DERA: variants seen among roughly 807,000 people sequenced by gnomAD.
DERA encodes the protein deoxyribose-phosphate aldolase.
In DERA, 15 loss-of-function variants were observed where a neutral mutation model predicts 41.1. That is an observed-to-expected ratio of 0.37 (90% CI 0.24 to 0.56). The LOEUF is 0.56. DERA is among the 20% of genes least tolerant of loss of function. The pLI is 0.81. For synonymous variants in DERA, 139 were observed against 137.4 expected (o/e 1.01, Z -0.08); for missense variants, 396 against 403.4 (o/e 0.98, Z 0.16).
intron 4 of DERA, among the ~76,000 whole-genome samples, chr12:15,960,225 C>CATATACATACTATATATGTATATGTAT (rs1948574388): frequency 2.7e-5 from 4 of 149,920 alleles, no homozygotes; most frequent in South Asian, 2.1e-4. Context: ...CACACACACA[C>CATATACATACTATATATGTATATGTAT]ATATACATAC....
At chr12:15,919,980 G>GTA (rs147982451) in intron 1 of DERA, among the ~76,000 whole-genome samples, 2,430 of 151,338 alleles carry the variant, frequency 0.016, 27 homozygotes, top group Middle Eastern at 0.038. Flanking sequence ...ATGTGTGTGT[G>GTA]TGTGTGTGTG....
intron 5 of DERA, among the ~76,000 whole-genome samples, chr12:15,978,142 AT>A (rs1399184298): frequency 1.3e-5 from 2 of 152,132 alleles, no homozygotes; most frequent in Admixed American, 1.3e-4. Flanking sequence ...ACTGGGTTAC[AT>A]TTCAGCCATC....
chr12:16,002,460 T>C (rs1466099564), intron 6 of DERA, among the ~76,000 whole-genome samples: 2 of 152,108 alleles, frequency 1.3e-5, no homozygotes, highest in Non-Finnish European at 2.9e-5. Context: ...TTTTCTCTCC[T>C]TTCTTTTTTT....
chr12:15,965,161 A>G lies in DERA; in HGVS notation c.508+2214A>G, dbSNP rs1948613798. 6.6e-6 allele frequency among the ~76,000 whole-genome samples: 1 copy of G among 152,262 alleles called. No individual in the cohort carries two copies. Among genetic ancestry groups the G allele is most frequent in the Admixed American group, 6.5e-5 (1 of 15,284 alleles). ...TTTAATATTAGCTGTTTATTAAAAT[A>G]TGAGCATAAAATAATTTCTTGGAAT... On this transcript the variant is annotated intron_variant, in intron 5 of 8. Transcript: ENST00000428559. This position sits in a 1 kb window ranked among gnomAD's most constrained non-coding sequence, Gnocchi z 4.1.
chr12:16,024,619 G>T (rs1346314304), intron 6 of DERA, among the ~76,000 whole-genome samples: 1 of 152,154 alleles, frequency 6.6e-6, no homozygotes, highest in Non-Finnish European at 1.5e-5. Context: ...TGCCAGCAAA[G>T]CTTCCCAAGG....
intron 1 of DERA, among the ~76,000 whole-genome samples, chr12:15,949,146 A>G (rs1050172841): frequency 2.6e-5 from 4 of 152,216 alleles, no homozygotes; most frequent in African/African-American, 9.6e-5. Context: ...CTCAGGGGTC[A>G]GAGACCCACT....
chr12:15,945,467 TA>T (rs1948440180), intron 1 of DERA, among the ~76,000 whole-genome samples: 1 of 152,234 alleles, frequency 6.6e-6, no homozygotes, highest in Non-Finnish European at 1.5e-5. Flanking sequence ...GTTGGATTCC[TA>T]GGTATTTTAT....
In DERA at chr12:16,001,806, C is replaced by T. The variant is rs1948876474; in HGVS notation, c.637+19370C>T. ...GCTTCCCTGAGTCAGAAGTGGCAGG[C>T]ACACTAGACGAAGCAGCATTTTGCT... On this transcript the variant is annotated intron_variant, in intron 6 of 8. Transcript: ENST00000428559. The surrounding 1 kb of genome is among the most constrained non-coding windows in gnomAD (Gnocchi z 4.1). Among the ~76,000 whole-genome samples, 1 of 152,168 alleles carries T rather than the reference C, an allele frequency of 6.6e-6. No individual in the cohort carries two copies. Among genetic ancestry groups the T allele is most frequent in the African/African-American group, 2.4e-5 (1 of 41,422 alleles).
In DERA at chr12:15,966,098, G is replaced by C. The variant is rs543957364; in HGVS notation, c.508+3151G>C. On this transcript the variant is annotated intron_variant, in intron 5 of 8. Coordinates refer to ENST00000428559, the MANE Select transcript of DERA (RefSeq NM_015954.4). This position sits in a 1 kb window ranked among gnomAD's most constrained non-coding sequence, Gnocchi z 5.1. The stretch of plus-strand genomic sequence containing the variant: ...CCCTTCATGACTAAAATTCTGAAAA[G>C]AAGGCCCGATGCGGTGGCTCACACC... Among the ~76,000 whole-genome samples, 1 of 152,156 alleles carries C rather than the reference G, an allele frequency of 6.6e-6. No individual in the cohort carries two copies. Among genetic ancestry groups the C allele is most frequent in the African/African-American group, 2.4e-5 (1 of 41,498 alleles).
rs995823000 is a variant in DERA at position 15,960,055 on chromosome 12, T to C, written c.373+131T>C. On this transcript the variant is annotated intron_variant, in intron 4 of 8. Coordinates refer to ENST00000428559, the MANE Select transcript of DERA (RefSeq NM_015954.4). ...GTATTTAATTAGTTGTATTTATTCATGATTTTAGTATGTACTAATTGCTTA... is the reference window on the plus strand; with the variant it reads ...GTATTTAATTAGTTGTATTTATTCACGATTTTAGTATGTACTAATTGCTTA... 3 of 642,256 alleles carry C rather than the reference T, an allele frequency of 4.7e-6. No individual in the cohort carries two copies. In the African/African-American group the frequency reaches 5.4e-5, roughly 12 times the overall value. 39.8% of individuals were successfully genotyped at this position (642,256 alleles called of 1,614,324 possible).
chr12:15,973,038 AT>A (rs1230463780), intron 5 of DERA, among the ~76,000 whole-genome samples: 1 of 151,956 alleles, frequency 6.6e-6, no homozygotes, highest in African/African-American at 2.4e-5. Context: ...GAGTGCTCTG[AT>A]TCCTGTCAGT....
Position 15,911,766 on chromosome 12 carries a change from A to G in DERA, c.31+352A>G. 2 of 562,954 alleles carry G rather than the reference A, an allele frequency of 3.6e-6. No individual in the cohort carries two copies. The highest frequency in any genetic ancestry group is 2.7e-4 in the Middle Eastern group (1 of 3,710). The allele number at this position is 562,954 out of a possible 1,614,324, so 34.9% of individuals were successfully genotyped here. On this transcript the variant is annotated intron_variant, in intron 1 of 8. Coordinates refer to ENST00000428559, the MANE Select transcript of DERA (RefSeq NM_015954.4). The surrounding 1 kb of genome is among the most constrained non-coding windows in gnomAD (Gnocchi z 4.5). ...AACCCCCAAGCAGGTAAAAACAGATAAAAACCTTCTTTCTCCTCCTTTTAA... is the reference window on the plus strand; with the variant it reads ...AACCCCCAAGCAGGTAAAAACAGATGAAAACCTTCTTTCTCCTCCTTTTAA...
chr12:15,954,875 A>G lies in DERA; in HGVS notation c.32-2061A>G, dbSNP rs1948525954. On this transcript the variant is annotated intron_variant, in intron 1 of 8. Transcript: ENST00000428559. This position sits in a 1 kb window ranked among gnomAD's most constrained non-coding sequence, Gnocchi z 4.0. The stretch of plus-strand genomic sequence containing the variant: ...TGAGTAATAGGCCTACCTCTTTTTG[A>G]TCACGGTCAACAATTAGTTGGCAGT... 6.6e-6 allele frequency among the ~76,000 whole-genome samples: 1 copy of G among 151,976 alleles called. No homozygotes were observed.
intron 1 of DERA, among the ~76,000 whole-genome samples, chr12:15,942,395 G>C (rs1314043264): frequency 6.6e-6 from 1 of 152,054 alleles, no homozygotes; most frequent in African/African-American, 2.4e-5. Flanking sequence ...TTTTGTTGTT[G>C]TTGCATTTGC....
At chr12:15,914,007 C>T (rs924755922) in intron 1 of DERA, among the ~76,000 whole-genome samples, 1 of 152,130 alleles carries the variant, frequency 6.6e-6, no homozygotes, top group African/African-American at 2.4e-5. Context: ...ATGCAGGTGT[C>T]ACGTGGGTAG....
At chr12:15,933,239 C>A (rs1306949676) in intron 1 of DERA, among the ~76,000 whole-genome samples, 1 of 152,134 alleles carries the variant, frequency 6.6e-6, no homozygotes, top group Non-Finnish European at 1.5e-5. Context: ...TTTGAGGAAC[C>A]TCTATATACC....
rs1948243631 is a variant in DERA, at chr12:15,921,423, T to C, written c.31+10009T>C. Among the ~76,000 whole-genome samples the C allele has an allele frequency of 1.3e-5, 2 of 152,186 alleles. No individual in the cohort carries two copies. The highest frequency in any genetic ancestry group is 4.1e-4 in the South Asian group (2 of 4,832). On this transcript the variant is annotated intron_variant, in intron 1 of 8. Transcript: ENST00000428559. This position sits in a 1 kb window ranked among gnomAD's most constrained non-coding sequence, Gnocchi z 5.3. ...ATGTGAGATTAACCAGAAAGAGTAA[T>C]TCCGTTAATTTTCTGGTAGAAAAAA... is the stretch of plus-strand genomic sequence containing the variant.
rs533127093 is a variant in DERA, at chr12:15,974,168, C to T, written c.509-8140C>T. ...CCCTTAAATACTTCAGTGTGTATTTCCTAAGAACAAGGACAAGGACAGGGA... is the reference window on the plus strand; with the variant it reads ...CCCTTAAATACTTCAGTGTGTATTTTCTAAGAACAAGGACAAGGACAGGGA... On this transcript the variant is annotated intron_variant, in intron 5 of 8. Transcript: ENST00000428559. Among the ~76,000 whole-genome samples, 7 of 152,184 alleles carry T rather than the reference C, an allele frequency of 4.6e-5. 1 individual carries two copies. In the South Asian group the frequency reaches 1.5e-3, roughly 32 times the overall value.
intron 7 of DERA, among the ~76,000 whole-genome samples, chr12:16,033,624 T>TG (rs58693292): frequency 3.3e-5 from 5 of 150,456 alleles, no homozygotes; most frequent in South Asian, 2.1e-4. Context: ...TGTGTGTGTG[T>TG]TTAATGACAC....
Sources: gnomAD v4.1 joint callset for allele counts (sites outside exome capture counted in the v4.1 genomes callset) on GRCh38, gnomAD v4.1.1 for gene constraint, Gnocchi (gnomAD v3.1) non-coding constraint, MANE v1.5 for transcripts, NCBI Gene and HGNC (gene_info 2026-07-23, HGNC 2026-07-21) for gene names.